ZNF566: variants seen among roughly 807,000 people sequenced by gnomAD.
ZNF566 encodes the protein zinc finger protein 566.
Under a neutral mutation model 32.8 loss-of-function variants are expected in ZNF566, and 27 were observed. The ratio of observed to expected loss-of-function variants is 0.82; its 90% CI spans 0.61 to 1.14. ZNF566 has a LOEUF of 1.14. ZNF566 is among the 50% of genes most tolerant of loss of function. ZNF566 has a pLI of 0.00. For missense variants in ZNF566, 402 were observed against 490.4 expected (o/e 0.82, Z 1.70); for synonymous variants, 154 against 159.5 (o/e 0.97, Z 0.26).
At chr19:36,462,258 G>A (rs2033486343) in intron 4 of ZNF566, among the ~76,000 whole-genome samples, 1 of 152,106 alleles carries the variant, frequency 6.6e-6, no homozygotes, top group Non-Finnish European at 1.5e-5. Flanking sequence ...AAAGTGCTGG[G>A]ATTACAGACA....
chr19:36,479,052 A>C (rs2033963452), intron 1 of ZNF566, among the ~76,000 whole-genome samples: 1 of 152,208 alleles, frequency 6.6e-6, no homozygotes, highest in African/African-American at 2.4e-5. Flanking sequence ...CAGGGGTCTC[A>C]TGTTTTCTGC....
At chr19:36,450,650 GATAAATAA>G (rs3085977) in intron 4 of ZNF566, among the ~76,000 whole-genome samples, 3 of 151,726 alleles carry the variant, frequency 2.0e-5, no homozygotes, top group East Asian at 1.9e-4. Context: ...TCAATAGATA[GATAAATAA>G]ATAAATAAAT....
chr19:36,489,316 G>A, intron 1 of ZNF566, 170 bp downstream of exon 1: 1 of 214,680 alleles, frequency 4.7e-6, no homozygotes, highest in South Asian at 6.6e-5. Context: ...CGGTGTGAGC[G>A]TTGGAAACAC....
At chr19:36,450,640 T>C (rs1243989612) in intron 4 of ZNF566, among the ~76,000 whole-genome samples, 1 of 151,796 alleles carries the variant, frequency 6.6e-6, no homozygotes, top group Non-Finnish European at 1.5e-5. Context: ...AGTCACTGTC[T>C]CAATAGATAG....
At chr19:36,450,116 G>A (rs756803925) in intron 4 of ZNF566, 115 bp from the exon 5 acceptor site, 6 of 816,310 alleles carry the variant, frequency 7.4e-6, no homozygotes, top group Non-Finnish European at 9.4e-6. Context: ...GAGGAAAAAA[G>A]AGAGTTAGAA....
At chr19:36,479,854 TTTTTTG>T (rs1291466797) in intron 1 of ZNF566, among the ~76,000 whole-genome samples, 3 of 152,258 alleles carry the variant, frequency 2.0e-5, no homozygotes, top group African/African-American at 7.2e-5. Flanking sequence ...TTTTAGTTGT[TTTTTTG>T]TTTTTGTTTT....
intron 4 of ZNF566, among the ~76,000 whole-genome samples, chr19:36,463,206 G>C (rs955520756): frequency 1.3e-5 from 2 of 151,944 alleles, no homozygotes; most frequent in Non-Finnish European, 2.9e-5. Context: ...CGGGGGCTGA[G>C]GTAGGAGGAT....
chr19:36,462,655 T>G (rs903187887), intron 4 of ZNF566, among the ~76,000 whole-genome samples: 7 of 151,882 alleles, frequency 4.6e-5, no homozygotes, highest in Non-Finnish European at 7.4e-5. Context: ...GACATATATT[T>G]GTGTATATAT....
At chr19:36,467,066 CAAAA>C (rs1225047396) in intron 4 of ZNF566, among the ~76,000 whole-genome samples, 3 of 101,142 alleles carry the variant, frequency 3.0e-5, no homozygotes, top group African/African-American at 7.6e-5. Flanking sequence ...GAGACTCCGT[CAAAA>C]AAAAAAAAAA....
At chr19:36,461,938 C>T (rs912127661) in intron 4 of ZNF566, among the ~76,000 whole-genome samples, 9 of 150,356 alleles carry the variant, frequency 6.0e-5, no homozygotes, top group South Asian at 2.1e-4. Flanking sequence ...CACATATATT[C>T]GGGCAAAAAT....
chr19:36,486,959 A>G (rs1167074587), intron 1 of ZNF566, among the ~76,000 whole-genome samples: 5 of 150,430 alleles, frequency 3.3e-5, no homozygotes, highest in Admixed American at 6.6e-5. Context: ...GTGTGGTGGC[A>G]CGCACCTGTA....
chr19:36,488,186 G>A (rs1231840603), intron 1 of ZNF566, among the ~76,000 whole-genome samples: 3 of 152,082 alleles, frequency 2.0e-5, no homozygotes, highest in East Asian at 1.9e-4. Flanking sequence ...GGGCTCAAGC[G>A]ATCCTCTCAT....
At chr19:36,462,034 G>C (rs1449788008) in intron 4 of ZNF566, among the ~76,000 whole-genome samples, 1 of 150,668 alleles carries the variant, frequency 6.6e-6, no homozygotes, top group African/African-American at 2.4e-5. Context: ...TGTTGCCCAG[G>C]TTGGAGTGCA....
At chr19:36,476,722 T>C in intron 1 of ZNF566, 106 bp from the exon 2 acceptor site, 1 of 890,940 alleles carries the variant, frequency 1.1e-6, no homozygotes, top group Non-Finnish European at 1.7e-6. Flanking sequence ...TTGTGGGGTA[T>C]CAGTGAGGAG....
At chr19:36,462,973 A>C (rs1338921560) in intron 4 of ZNF566, among the ~76,000 whole-genome samples, 1 of 146,184 alleles carries the variant, frequency 6.8e-6, no homozygotes, top group African/African-American at 2.5e-5. Flanking sequence ...AAAAAAAAAA[A>C]AAAAAAAAAA....
chr19:36,484,587 C>CTTTTTTTTTTTTTT (rs34052223), intron 1 of ZNF566, among the ~76,000 whole-genome samples: 1 of 111,934 alleles, frequency 8.9e-6, no homozygotes, highest in Non-Finnish European at 1.7e-5. Context: ...GGCATAGTTT[C>CTTTTTTTTTTTTTT]TTTTTTTTTT....
At chr19:36,484,035 G>A (rs900811037) in intron 1 of ZNF566, among the ~76,000 whole-genome samples, 1 of 152,140 alleles carries the variant, frequency 6.6e-6, no homozygotes, top group Non-Finnish European at 1.5e-5. Flanking sequence ...ACCACACCTG[G>A]CTAATTTTTT....
At position 36,446,771 on chromosome 19, in the gene ZNF566, T is replaced by C. The variant is rs1195093851; in HGVS notation, c.*2206A>G. The C allele has an allele frequency of 2.0e-5, 3 of 152,240 alleles. No homozygotes were observed. Among genetic ancestry groups the C allele is most frequent in the Non-Finnish European group, 2.9e-5 (2 of 68,046 alleles). 9.4% of individuals were successfully genotyped at this position (152,240 alleles called of 1,614,324 possible). A position where few individuals can be genotyped will look rare whatever the true frequency, so the allele number is the denominator to read the frequency against. On this transcript the variant is annotated 3_prime_UTR_variant, in exon 5 of 5. Transcript: ENST00000452939. Reference sequence around the variant, plus strand: ...TTTTGCTCACTCTACTTTTCTCAAATTTATTATGAAATATTTTACTTCCTT... The same window carrying C: ...TTTTGCTCACTCTACTTTTCTCAAACTTATTATGAAATATTTTACTTCCTT...
At chr19:36,450,400 C>T (rs952003620) in intron 4 of ZNF566, among the ~76,000 whole-genome samples, 3 of 152,080 alleles carry the variant, frequency 2.0e-5, no homozygotes, top group African/African-American at 4.8e-5. Context: ...AATCCCAGCA[C>T]CTTGGGCGGG....
Sources: gnomAD v4.1 joint callset for allele counts (sites outside exome capture counted in the v4.1 genomes callset) on GRCh38, gnomAD v4.1.1 for gene constraint, MANE v1.5 for transcripts, NCBI Gene and HGNC (gene_info 2026-07-23, HGNC 2026-07-21) for gene names.